TMEM130: variants seen among roughly 807,000 people sequenced by gnomAD.
TMEM130 encodes transmembrane protein 130.
A neutral mutation model predicts 42.9 loss-of-function variants in TMEM130; 37 were observed. That is an observed-to-expected ratio of 0.86 (90% confidence interval 0.66 to 1.13). TMEM130 has a LOEUF of 1.13. TMEM130 is among the 50% of genes most tolerant of loss of function. TMEM130 has a pLI of 0.00. For missense variants in TMEM130, 545 were observed against 562.6 expected (o/e 0.97, Z 0.32); for synonymous variants, 259 against 237.7 (o/e 1.09, Z -0.82).
chr7:98,852,484 C>A (rs1328346570), intron 5 of TMEM130, among the ~76,000 whole-genome samples: 2 of 152,058 alleles, frequency 1.3e-5, no homozygotes, highest in African/African-American at 4.8e-5. Flanking sequence ...TGGTCTCCAA[C>A]TCCTAGCCTC....
intron 6 of TMEM130, among the ~76,000 whole-genome samples, chr7:98,850,125 T>C (rs1204466005): frequency 3.3e-5 from 5 of 149,882 alleles, no homozygotes; most frequent in South Asian, 2.1e-4. Context: ...TCTTGGCTCA[T>C]TGCAGCCTCA....
At chr7:98,862,940 CT>C (rs1794818083) in intron 2 of TMEM130, among the ~76,000 whole-genome samples, 154 bp downstream of exon 2, 1 of 152,160 alleles carries the variant, frequency 6.6e-6, no homozygotes, top group Admixed American at 6.5e-5. Flanking sequence ...TTTTCAGATC[CT>C]TTCTAACTCG....
chr7:98,857,712 A>AAAAACG (rs1228000036), intron 3 of TMEM130, among the ~76,000 whole-genome samples: 2 of 126,486 alleles, frequency 1.6e-5, no homozygotes, highest in Non-Finnish European at 3.2e-5. Flanking sequence ...AAACAGAAAC[A>AAAAACG]AAAACACATC....
intron 6 of TMEM130, among the ~76,000 whole-genome samples, chr7:98,850,288 T>TTA (rs1554398034): frequency 2.2e-4 from 25 of 112,528 alleles, no homozygotes; most frequent in African/African-American, 7.3e-4. Flanking sequence ...TTTTTTTTTT[T>TTA]AATTTTTTGA....
At chr7:98,863,815 CT>C (rs1364163067) in intron 1 of TMEM130, among the ~76,000 whole-genome samples, 16 of 147,536 alleles carry the variant, frequency 1.1e-4, no homozygotes, top group Non-Finnish European at 2.1e-4. Context: ...TCTCTTCTTT[CT>C]TTTTTTCTCC....
intron 3 of TMEM130, among the ~76,000 whole-genome samples, chr7:98,857,051 A>C (rs529727967): frequency 1.3e-5 from 2 of 152,126 alleles, no homozygotes; most frequent in East Asian, 3.9e-4. Flanking sequence ...CCTCCCGAGT[A>C]GCTGGGACTA....
At chr7:98,866,509 G>A (rs1271525154) in intron 1 of TMEM130, 1 of 152,198 alleles carries the variant, frequency 6.6e-6, no homozygotes, top group Non-Finnish European at 1.5e-5. Context: ...CCCTCCCTTA[G>A]CAGGTACATG....
At chr7:98,858,426 C>T (rs1002720030) in intron 3 of TMEM130, among the ~76,000 whole-genome samples, 8 of 151,940 alleles carry the variant, frequency 5.3e-5, no homozygotes. Flanking sequence ...CCTGTGGTCC[C>T]AGCTACTCGA....
At chr7:98,859,832 C>T (rs1439688711) in intron 3 of TMEM130, among the ~76,000 whole-genome samples, 23 of 152,058 alleles carry the variant, frequency 1.5e-4, no homozygotes, top group Admixed American at 1.1e-3. Flanking sequence ...AGGCACATCA[C>T]TTGAGGCCAG....
intron 3 of TMEM130, among the ~76,000 whole-genome samples, chr7:98,858,715 A>T (rs1794688430): frequency 6.6e-6 from 1 of 151,902 alleles, no homozygotes; most frequent in South Asian, 2.1e-4. Flanking sequence ...AGCTGGGTGT[A>T]GTGGTGCATG....
intron 1 of TMEM130, among the ~76,000 whole-genome samples, chr7:98,868,189 A>G (rs2116146666): frequency 6.6e-6 from 1 of 152,322 alleles, no homozygotes; most frequent in African/African-American, 2.4e-5. Context: ...AGATTGTGCC[A>G]CTGCACTCCA....
rs782497659 is a variant in TMEM130, at chr7:98,851,436, G to C, written c.991C>G (p.Gln331Glu). ...TGTCACTTACTGGAGGGCCACACCT[G>C]GATCTTGTGGTACTGATGTGTCTTG... Reference protein sequence around the residue: ...ISKTHQYHKIQVWPSRIQPAV... With the variant: ...ISKTHQYHKIEVWPSRIQPAV... Residue 331 changes from glutamine to glutamate, a missense_variant, in exon 6 of 8, where the codon CAG becomes GAG. Physicochemically the swap from Gln to Glu is conservative, Grantham distance 29. Transcript: ENST00000339375. The C allele has an allele frequency of 2.2e-5, 35 of 1,613,990 alleles. No individual in the cohort carries two copies. The highest frequency in any genetic ancestry group is 2.8e-5 in the Non-Finnish European group (33 of 1,180,038).
In TMEM130 at chr7:98,864,381, C is replaced by CTTTT. The variant is rs77399182; in HGVS notation, c.86-985_86-982dup. ...GTCACCACGCTTGGCTGATTTTTTTCTTTTTTTTTTTTTTTTGTAGAGACA... is the reference window on the plus strand; with the variant it reads ...GTCACCACGCTTGGCTGATTTTTTTCTTTTTTTTTTTTTTTTTTTTGTAGAGACA... On this transcript the variant is annotated intron_variant, in intron 1 of 7. Coordinates refer to ENST00000339375, the MANE Select transcript of TMEM130 (RefSeq NM_152913.3). Among the ~76,000 whole-genome samples, 196 of 137,924 alleles carry CTTTT rather than the reference C, an allele frequency of 1.4e-3. 2 individuals carry two copies. The highest frequency in any genetic ancestry group is 0.012 in the Middle Eastern group (3 of 260). The allele number at this position is 137,924 out of a possible 152,430, so 90.5% of individuals were successfully genotyped here.
chr7:98,860,933 ACT>A (rs571927016), intron 2 of TMEM130, among the ~76,000 whole-genome samples: 2,802 of 119,022 alleles, frequency 0.024, 108 homozygotes, highest in African/African-American at 0.082. Context: ...ACAGAGCAAG[ACT>A]CTGTCTCAAA....
Position 98,847,989 on chromosome 7 carries a change from A to C in TMEM130, c.*67T>G, listed in dbSNP as rs1794397563. On this transcript the variant is annotated 3_prime_UTR_variant, in exon 8 of 8. Transcript: ENST00000339375. ...GAACCCCTCCTGGTCAGTGGTGCAC[A>C]CCACCCTGCTGGAAACTCCAAGTCA... 4 of 1,511,230 alleles carry C rather than the reference A, an allele frequency of 2.6e-6. No homozygotes were observed. In the Admixed American group the frequency reaches 7.1e-5, roughly 27 times the overall value. 93.6% of individuals were successfully genotyped at this position (1,511,230 alleles called of 1,614,324 possible).
At chr7:98,860,115 A>G in intron 3 of TMEM130, 64 bp downstream of exon 3, 1 of 1,500,510 alleles carries the variant, frequency 6.7e-7, no homozygotes, top group Non-Finnish European at 9.0e-7. Context: ...AGTACCCTGC[A>G]CAGTGCGCGG....
At chr7:98,853,398 T>C (rs534211200) in intron 5 of TMEM130, among the ~76,000 whole-genome samples, 24 of 152,156 alleles carry the variant, frequency 1.6e-4, no homozygotes, top group African/African-American at 5.8e-4. Context: ...GAGGCCGAGG[T>C]GGGTGGATCA....
chr7:98,855,876 G>C (rs1794619052), intron 4 of TMEM130, 141 bp downstream of exon 4: 1 of 1,003,064 alleles, frequency 1.0e-6, no homozygotes, highest in African/African-American at 1.6e-5. Flanking sequence ...GTCTGAAGCA[G>C]GGTTAATGAT....
At position 98,863,315 on chromosome 7, in the gene TMEM130, G is replaced by C; in HGVS notation, c.171C>G (p.Asp57Glu). 1 of 1,612,748 alleles carries C rather than the reference G, an allele frequency of 6.2e-7. No homozygotes were observed. Among genetic ancestry groups the C allele is most frequent in the Non-Finnish European group, 8.5e-7 (1 of 1,179,954 alleles). Residue 57 changes from aspartate to glutamate, a missense_variant, in exon 2 of 8, where the codon GAC becomes GAG. By Grantham distance (45) the Asp-to-Glu change is conservative. Coordinates refer to ENST00000339375, the MANE Select transcript of TMEM130 (RefSeq NM_152913.3). ...CAGCGGGCAGGGCCAGGCTGCCGTTGTCCTTGGCCACCAGGCTGGCCGAGA... is the reference window on the plus strand; with the variant it reads ...CAGCGGGCAGGGCCAGGCTGCCGTTCTCCTTGGCCACCAGGCTGGCCGAGA... ...VTISASLVAK[D>E]NGSLALPADA...
Sources: gnomAD v4.1 joint callset for allele counts (sites outside exome capture counted in the v4.1 genomes callset) on GRCh38, gnomAD v4.1.1 for gene constraint, MANE v1.5 for transcripts, NCBI Gene and HGNC (gene_info 2026-07-23, HGNC 2026-07-21) for gene names.